Variants in TBX20 observed in about 807,000 individuals in gnomAD.
The protein encoded by TBX20 is T-box transcription factor TBX20.
In TBX20, 8 loss-of-function variants were observed where a neutral mutation model predicts 42.9. The observed-to-expected ratio is 0.19, with a 90% CI of 0.11 to 0.34. The LOEUF (loss-of-function observed/expected upper bound fraction) is 0.34. Ranked by LOEUF, TBX20 falls within the 10% of genes least tolerant of loss-of-function variation. The probability of loss-of-function intolerance (pLI) is 1.00; values close to 1 mark genes in which losing one functional copy is unlikely to be tolerated. For synonymous variants in TBX20, 198 were observed against 222.8 expected (o/e 0.89, Z 0.99); for missense variants, 411 against 566.0 (o/e 0.73, Z 2.78).
intron 6 of TBX20, among the ~76,000 whole-genome samples, chr7:35,228,902 G>A (rs111663749): frequency 1.4e-4 from 21 of 152,094 alleles, no homozygotes; most frequent in Non-Finnish European, 2.4e-4. Context: ...TGAGGAAGAC[G>A]ATGTCCCTGA....
Position 35,204,541 on chromosome 7 carries a change from C to A in TBX20, c.932G>T (p.Arg311Leu). ...TCCTCCGTAGGTACGGATGGGTGAG[C>A]GTGCATAGGAATGCTTTTGAATCAG... Reference protein sequence around the residue: ...ESLIQKHSYARSPIRTYGGEE... With the variant: ...ESLIQKHSYALSPIRTYGGEE... Residue 311 changes from arginine to leucine, a missense_variant, in exon 7 of 8, where the codon CGC becomes CTC. This residue lies in a region of TBX20 where 162 missense variants were observed against 205.4 expected (regional missense o/e 0.79). Coordinates refer to ENST00000408931, the MANE Select transcript of TBX20 (RefSeq NM_001077653.2). 6.2e-7 allele frequency: 1 copy of A among 1,614,062 alleles called. No individual in the cohort carries two copies. Among genetic ancestry groups the A allele is most frequent in the Non-Finnish European group, 8.5e-7 (1 of 1,179,964 alleles).
At chr7:35,217,641 T>G (rs940022335) in intron 6 of TBX20, among the ~76,000 whole-genome samples, 7 of 152,250 alleles carry the variant, frequency 4.6e-5, no homozygotes, top group Admixed American at 4.6e-4. Context: ...AAAAATTAGT[T>G]CTGTTAAACG....
chr7:35,230,069 A>G (rs1789842447), intron 6 of TBX20, among the ~76,000 whole-genome samples: 1 of 152,126 alleles, frequency 6.6e-6, no homozygotes, highest in African/African-American at 2.4e-5. Flanking sequence ...ACGGATCACT[A>G]TCACCCCACT....
At position 35,249,056 on chromosome 7, in the gene TBX20, C is replaced by A. The variant is rs1159309461; in HGVS notation, c.381-215G>T. On this transcript the variant is annotated intron_variant, in intron 2 of 7. Coordinates refer to ENST00000408931, the MANE Select transcript of TBX20 (RefSeq NM_001077653.2). The surrounding 1 kb of genome is among the most constrained non-coding windows in gnomAD (Gnocchi z 4.3). ...CAAGCCTAGATAATTTTAAGTGTCA[C>A]CTTTAAGCAGGTGTTAATTGCTAGG... Among the ~76,000 whole-genome samples the A allele has an allele frequency of 7.5e-6, 1 of 133,928 alleles. No homozygotes were observed. Among genetic ancestry groups the A allele is most frequent in the African/African-American group, 2.9e-5 (1 of 34,664 alleles). The allele number at this position is 133,928 out of a possible 152,430, so 87.9% of individuals were successfully genotyped here. A position where few individuals can be genotyped will look rare whatever the true frequency, so the allele number is the denominator to read the frequency against.
chr7:35,212,721 A>T (rs528218204), intron 6 of TBX20, among the ~76,000 whole-genome samples: 1 of 152,224 alleles, frequency 6.6e-6, no homozygotes, highest in Non-Finnish European at 1.5e-5. Flanking sequence ...AAGGTTTTCC[A>T]GTCCAGCTGA....
chr7:35,251,046 G>A (rs144624604), intron 1 of TBX20, among the ~76,000 whole-genome samples: 26 of 152,292 alleles, frequency 1.7e-4, no homozygotes, highest in African/African-American at 5.8e-4. Context: ...TGAGAAGAAT[G>A]CTCTGCCATC....
At chr7:35,243,873 C>T (rs1353473303) in intron 4 of TBX20, among the ~76,000 whole-genome samples, 2 of 152,174 alleles carry the variant, frequency 1.3e-5, no homozygotes, top group African/African-American at 4.8e-5. Flanking sequence ...AACACAGTCT[C>T]CTGTGGGCAG....
chr7:35,246,627 A>G (rs1790193177), intron 3 of TBX20, among the ~76,000 whole-genome samples: 1 of 152,120 alleles, frequency 6.6e-6, no homozygotes, highest in East Asian at 1.9e-4. Context: ...CAATCAAGTG[A>G]TACTGTCAAG....
At chr7:35,218,946 G>A (rs1162336678) in intron 6 of TBX20, among the ~76,000 whole-genome samples, 1 of 152,138 alleles carries the variant, frequency 6.6e-6, no homozygotes, top group Non-Finnish European at 1.5e-5. Flanking sequence ...CAGAGTGCAT[G>A]TCCTCACCAG....
intron 6 of TBX20, among the ~76,000 whole-genome samples, chr7:35,224,480 C>A (rs1789736631): frequency 6.6e-6 from 1 of 152,226 alleles, no homozygotes; most frequent in Non-Finnish European, 1.5e-5. Flanking sequence ...CAAGACCAGA[C>A]TGACCAACAT....
intron 3 of TBX20, among the ~76,000 whole-genome samples, chr7:35,245,319 GGTGTGT>G (rs61706700): frequency 8.9e-5 from 13 of 146,398 alleles, no homozygotes; most frequent in African/African-American, 2.0e-4. Context: ...TGTTTAAAGG[GGTGTGT>G]GTGTGTGTGT....
At chr7:35,245,206 C>G (rs1790158438) in intron 3 of TBX20, 149 bp from the exon 4 acceptor site, 1 of 618,506 alleles carries the variant, frequency 1.6e-6, no homozygotes, top group Non-Finnish European at 2.9e-6. Context: ...ATTACTATTG[C>G]AATGTCAAAA....
At chr7:35,203,726 T>G (rs891917537) in intron 7 of TBX20, among the ~76,000 whole-genome samples, 1 of 152,248 alleles carries the variant, frequency 6.6e-6, no homozygotes, top group African/African-American at 2.4e-5. Context: ...CCAACCACTG[T>G]GTTGTTCAAG....
At chr7:35,234,158 A>T (rs1462397623) in intron 5 of TBX20, among the ~76,000 whole-genome samples, 1 of 152,238 alleles carries the variant, frequency 6.6e-6, no homozygotes, top group Non-Finnish European at 1.5e-5. Context: ...TTTTACAGCC[A>T]TCTCTCTAAG....
At chr7:35,203,589 C>T (rs1394283879) in intron 7 of TBX20, among the ~76,000 whole-genome samples, 2 of 152,150 alleles carry the variant, frequency 1.3e-5, no homozygotes, top group Non-Finnish European at 2.9e-5. Flanking sequence ...ATGTAACATA[C>T]AGAATATGTG....
At chr7:35,246,931 T>G (rs1363134520) in intron 3 of TBX20, among the ~76,000 whole-genome samples, 1 of 152,032 alleles carries the variant, frequency 6.6e-6, no homozygotes, top group African/African-American at 2.4e-5. Flanking sequence ...AGGAAGCCCC[T>G]CCTCTCAAGT....
chr7:35,248,867 G>C (rs1790249092), intron 2 of TBX20, 26 bp from the exon 3 acceptor site: 1 of 1,612,634 alleles, frequency 6.2e-7, no homozygotes, highest in Non-Finnish European at 8.5e-7. Flanking sequence ...AGAGAGAATG[G>C]GCCCTGTTTA....
intron 6 of TBX20, among the ~76,000 whole-genome samples, chr7:35,220,517 T>A (rs535871569): frequency 3.9e-5 from 6 of 152,204 alleles, no homozygotes; most frequent in Non-Finnish European, 7.4e-5. Context: ...CAGAAACTAC[T>A]TCCTTATCTA....
In TBX20 at chr7:35,253,793, T is replaced by G; in HGVS notation, c.-173A>C. 1 of 766,128 alleles carries G rather than the reference T, an allele frequency of 1.3e-6. No individual in the cohort carries two copies. The allele number at this position is 766,128 out of a possible 1,614,324, so 47.5% of individuals were successfully genotyped here. A position where few individuals can be genotyped will look rare whatever the true frequency, so the allele number is the denominator to read the frequency against. On this transcript the variant is annotated 5_prime_UTR_variant, in exon 1 of 8. The change abolishes the stop of an existing upstream ORF in the 5' untranslated region. Coordinates refer to ENST00000408931, the MANE Select transcript of TBX20 (RefSeq NM_001077653.2). The stretch of plus-strand genomic sequence containing the variant: ...GACTCCAGAGCTGCACACTGGCCTC[T>G]ATTCCCCACCGCAAAGCCCCAGAGC...
Sources: gnomAD v4.1 joint callset for allele counts (sites outside exome capture counted in the v4.1 genomes callset) on GRCh38, gnomAD v4.1.1 for gene constraint, gnomAD v4.1.1 regional missense constraint, Gnocchi (gnomAD v3.1) non-coding constraint, MANE v1.5 for transcripts, NCBI Gene and HGNC (gene_info 2026-07-23, HGNC 2026-07-21) for gene names.